Variants in KRAS observed in about 807,000 individuals in gnomAD.
KRAS encodes the protein GTPase KRas.
In KRAS, 1 loss-of-function variant was observed where a neutral mutation model predicts 21.0. The observed-to-expected ratio is 0.05, with a 90% CI of 0.02 to 0.23. KRAS has a LOEUF of 0.23. KRAS is among the 10% of genes least tolerant of loss of function. The pLI is 1.00. For missense variants in KRAS, 107 were observed against 221.8 expected, an observed-to-expected ratio of 0.48 and a Z score of 3.29; for synonymous variants, 67 against 72.5, an observed-to-expected ratio of 0.92 and a Z score of 0.39.
intron 1 of KRAS, among the ~76,000 whole-genome samples, chr12:25,249,229 C>G (rs973790215): frequency 6.6e-6 from 1 of 152,114 alleles, no homozygotes; most frequent in East Asian, 1.9e-4. Context: ...ACCCCCGTCT[C>G]TACTAAAAAT....
At chr12:25,228,178 CTTTTT>C (rs34584556) in intron 2 of KRAS, among the ~76,000 whole-genome samples, 1 of 76,778 alleles carries the variant, frequency 1.3e-5, no homozygotes, top group East Asian at 4.8e-4. Context: ...TTTCTTTCAT[CTTTTT>C]TTTTTTTTTT....
intron 1 of KRAS, among the ~76,000 whole-genome samples, chr12:25,246,517 C>T (rs1020243240): frequency 1.3e-5 from 2 of 152,062 alleles, no homozygotes; most frequent in Admixed American, 6.6e-5. Context: ...CAGATCACGC[C>T]ACTGCACTCC....
chr12:25,210,017 T>C, intron 4 of KRAS, 106 bp from the exon 5 acceptor site: 2 of 821,724 alleles, frequency 2.4e-6, no homozygotes, highest in South Asian at 3.7e-5. Flanking sequence ...ATTCTTTATG[T>C]TTCTCTTCAG....
chr12:25,228,334 C>A (rs565393823), intron 2 of KRAS, among the ~76,000 whole-genome samples: 1 of 150,606 alleles, frequency 6.6e-6, no homozygotes, highest in East Asian at 1.9e-4. Context: ...GATTTTTGGA[C>A]GAGGGATGCT....
intron 2 of KRAS, among the ~76,000 whole-genome samples, chr12:25,242,647 A>T (rs755537213): frequency 6.6e-6 from 1 of 152,212 alleles, no homozygotes; most frequent in Non-Finnish European, 1.5e-5. Flanking sequence ...ATGATTTTAC[A>T]TCATACCTCT....
intron 4 of KRAS, among the ~76,000 whole-genome samples, chr12:25,223,146 TTTTTC>T (rs1244494179): frequency 2.0e-5 from 3 of 152,142 alleles, no homozygotes; most frequent in African/African-American, 4.8e-5. Context: ...TCTCTTAAAT[TTTTTC>T]TTTTCTTTGT....
intron 2 of KRAS, among the ~76,000 whole-genome samples, chr12:25,233,167 G>A (rs1951497305): frequency 6.6e-6 from 1 of 151,998 alleles, no homozygotes; most frequent in South Asian, 2.1e-4. Flanking sequence ...TTTTGTCTCA[G>A]GCAATCTGCA....
At chr12:25,237,866 G>GT (rs1251170346) in intron 2 of KRAS, among the ~76,000 whole-genome samples, 6 of 152,234 alleles carry the variant, frequency 3.9e-5, no homozygotes, top group East Asian at 1.9e-4. Flanking sequence ...TTCAGAAACA[G>GT]TATCTTCTCC....
intron 2 of KRAS, among the ~76,000 whole-genome samples, chr12:25,232,441 T>C (rs1951485990): frequency 6.6e-6 from 1 of 152,172 alleles, no homozygotes; most frequent in Non-Finnish European, 1.5e-5. Flanking sequence ...ATTTATTCTC[T>C]TTATATATTT....
intron 4 of KRAS, among the ~76,000 whole-genome samples, chr12:25,221,024 C>CAAAAAA (rs67015511): frequency 3.5e-5 from 3 of 84,792 alleles, no homozygotes; most frequent in African/African-American, 5.0e-5. Context: ...GACTCTGCCT[C>CAAAAAA]AAAAAAAAAA....
chr12:25,227,087 A>C (rs757988593), intron 3 of KRAS, 147 bp downstream of exon 3: 12 of 556,642 alleles, frequency 2.2e-5, no homozygotes, highest in Non-Finnish European at 2.7e-5. Context: ...CAAGAACTTC[A>C]TTTATAAAAC....
intron 4 of KRAS, among the ~76,000 whole-genome samples, chr12:25,221,034 A>AAC (rs1951316983): frequency 1.3e-5 from 2 of 151,244 alleles, no homozygotes; most frequent in Non-Finnish European, 2.9e-5. Flanking sequence ...CAAAAAAAAA[A>AAC]AAAAAAAAAA....
intron 4 of KRAS, among the ~76,000 whole-genome samples, chr12:25,210,268 T>C (rs1951188564): frequency 6.6e-6 from 1 of 152,188 alleles, no homozygotes; most frequent in Non-Finnish European, 1.5e-5. Context: ...GTGTGTACAC[T>C]TAATTGTCCT....
intron 1 of KRAS, among the ~76,000 whole-genome samples, chr12:25,249,311 T>C (rs1408961297): frequency 1.3e-5 from 2 of 152,052 alleles, no homozygotes; most frequent in Non-Finnish European, 2.9e-5. Flanking sequence ...GCAGGAGAAT[T>C]GCTTGAATGC....
In KRAS at chr12:25,205,437, G is replaced by A. The variant is rs188034409; in HGVS notation, c.*4358C>T. On this transcript the variant is annotated 3_prime_UTR_variant, in exon 5 of 5. Transcript: ENST00000311936. The stretch of plus-strand genomic sequence containing the variant: ...CCTAGGTCAGCGCAACCAAATGATG[G>A]AAAACAACTGGATCACACTGCATAT... 115 of 214,734 alleles carry A rather than the reference G, an allele frequency of 5.4e-4. No individual in the cohort carries two copies. The highest frequency in any genetic ancestry group is 2.4e-3 in the African/African-American group (107 of 44,416). 13.3% of individuals were successfully genotyped at this position (214,734 alleles called of 1,614,324 possible). A position where few individuals can be genotyped will look rare whatever the true frequency, so the allele number is the denominator to read the frequency against.
intron 3 of KRAS, 70 bp downstream of exon 3, chr12:25,227,164 G>C (rs1200297337): frequency 1.8e-6 from 2 of 1,140,424 alleles, no homozygotes; most frequent in African/African-American, 3.1e-5. Flanking sequence ...CATGGCATTA[G>C]CAAAGACTCA....
intron 4 of KRAS, among the ~76,000 whole-genome samples, chr12:25,217,245 A>G (rs1951266040): frequency 6.6e-6 from 1 of 152,214 alleles, no homozygotes; most frequent in Non-Finnish European, 1.5e-5. Flanking sequence ...CTGTACATCT[A>G]CTGCCTACAG....
chr12:25,238,347 A>T lies in KRAS; in HGVS notation c.111+6927T>A, dbSNP rs930947253. 2.6e-5 allele frequency among the ~76,000 whole-genome samples: 4 copies of T among 152,210 alleles called. No individual in the cohort carries two copies. The East Asian group carries it at 7.7e-4, about 29-fold the overall frequency. On this transcript the variant is annotated intron_variant, in intron 2 of 4. Coordinates refer to ENST00000311936, the MANE Select transcript of KRAS (RefSeq NM_004985.5). ...AGTGATCACTTGAAGTCCAGGTAAG[A>T]ATGAGAGGCTGGAATGACCGTGGAT...
At chr12:25,243,773 G>A (rs1001399332) in intron 2 of KRAS, among the ~76,000 whole-genome samples, 3 of 152,238 alleles carry the variant, frequency 2.0e-5, no homozygotes, top group South Asian at 2.1e-4. Context: ...AAGTAACCCT[G>A]AATTTGCAAT....
Sources: gnomAD v4.1 joint callset for allele counts (sites outside exome capture counted in the v4.1 genomes callset) on GRCh38, gnomAD v4.1.1 for gene constraint, MANE v1.5 for transcripts, NCBI Gene and HGNC (gene_info 2026-07-23, HGNC 2026-07-21) for gene names.